Variants in C21orf91 observed in about 807,000 individuals in gnomAD.
C21orf91 encodes chromosome 21 open reading frame 91, also known as protein EURL homolog.
C21orf91 carries 26 observed loss-of-function variants against 32.9 expected under a neutral mutation model. That is an observed-to-expected ratio of 0.79 (90% CI 0.58 to 1.10). C21orf91 has a LOEUF of 1.10. C21orf91 is among the 50% of genes least tolerant of loss of function. The pLI is 0.00. For missense variants in C21orf91, 310 were observed against 341.3 expected, an observed-to-expected ratio of 0.91 and a Z score of 0.72; for synonymous variants, 126 against 120.4, an observed-to-expected ratio of 1.05 and a Z score of -0.31.
intron 2 of C21orf91, among the ~76,000 whole-genome samples, chr21:17,817,491 G>A (rs775686340): frequency 6.6e-6 from 1 of 151,826 alleles, no homozygotes; most frequent in African/African-American, 2.4e-5. Context: ...TTTTTTGCAG[G>A]AATATTAAGG....
At chr21:17,798,448 C>T (rs991120984) in intron 2 of C21orf91, among the ~76,000 whole-genome samples, 1 of 152,198 alleles carries the variant, frequency 6.6e-6, no homozygotes, top group African/African-American at 2.4e-5. Flanking sequence ...TATGTGAACA[C>T]ACCTCTAAAA....
chr21:17,803,316 T>G lies in C21orf91; in HGVS notation c.128-6198A>C, dbSNP rs148626792. Among the ~76,000 whole-genome samples the G allele has an allele frequency of 8.5e-5, 13 of 152,252 alleles. No individual in the cohort carries two copies. In the East Asian group the frequency reaches 2.5e-3, roughly 29 times the overall value. On this transcript the variant is annotated intron_variant, in intron 2 of 4. Coordinates refer to ENST00000284881, the MANE Select transcript of C21orf91 (RefSeq NM_001100420.2). ...CAGGTGGACTGCCTGACCCCAGGAATTTGAGAGTCGTCTGGGCAACATTGT... is the reference window on the plus strand; with the variant it reads ...CAGGTGGACTGCCTGACCCCAGGAAGTTGAGAGTCGTCTGGGCAACATTGT...
Position 17,797,038 on chromosome 21 carries a change from T to G in C21orf91, c.208A>C (p.Asn70His). The change falls in exon 3 of 5, where the codon AAC becomes CAC. Residue 70 changes from asparagine to histidine, a missense_variant. Transcript: ENST00000284881. The part of the protein sequence containing the change: ...DCFEKYHLIA[N>H]QGCPRSKLSK... ...AGCTTAGATCGAGGACAACCCTGGT[T>G]TGCAATTAAATGGTATTTTTCAAAG... 6.2e-7 allele frequency: 1 copy of G among 1,612,248 alleles called. No individual in the cohort carries two copies.
At chr21:17,807,775 AC>A (rs1366712612) in intron 2 of C21orf91, among the ~76,000 whole-genome samples, 1 of 152,170 alleles carries the variant, frequency 6.6e-6, no homozygotes, top group African/African-American at 2.4e-5. Flanking sequence ...GGATCTGTGG[AC>A]CTTTGAACTT....
chr21:17,790,594 T>C lies in C21orf91; in HGVS notation c.*2821A>G, dbSNP rs1033203847. 2 of 152,122 alleles carry C rather than the reference T, an allele frequency of 1.3e-5. No homozygotes were observed. Among genetic ancestry groups the C allele is most frequent in the African/African-American group, 2.4e-5 (1 of 41,446 alleles). 9.4% of individuals were successfully genotyped at this position (152,122 alleles called of 1,614,324 possible). A position where few individuals can be genotyped will look rare whatever the true frequency, so the allele number is the denominator to read the frequency against. ...TGTGTTTTGAAAAACTAAGAATGTGTCTTTGCTCCACCATTGTGCATAGTC... is the reference window on the plus strand; with the variant it reads ...TGTGTTTTGAAAAACTAAGAATGTGCCTTTGCTCCACCATTGTGCATAGTC... On this transcript the variant is annotated 3_prime_UTR_variant, in exon 5 of 5. Transcript: ENST00000284881.
chr21:17,817,038 T>C (rs1260723198), intron 2 of C21orf91, among the ~76,000 whole-genome samples: 1 of 152,206 alleles, frequency 6.6e-6, no homozygotes, highest in Non-Finnish European at 1.5e-5. Flanking sequence ...AAACTGGACT[T>C]GAACTCCTAG....
chr21:17,795,419 C>T (rs989392159), intron 3 of C21orf91, 149 bp from the exon 4 acceptor site: 8 of 627,332 alleles, frequency 1.3e-5, no homozygotes, highest in South Asian at 3.7e-5. Context: ...CATTAACGCT[C>T]GTAAGTGTGG....
intron 2 of C21orf91, among the ~76,000 whole-genome samples, chr21:17,810,251 A>G (rs1326219007): frequency 3.3e-5 from 5 of 152,218 alleles, no homozygotes; most frequent in Non-Finnish European, 5.9e-5. Context: ...TAACAGCAAA[A>G]TCACCTTCCA....
At chr21:17,797,270 G>T in intron 2 of C21orf91, 152 bp from the exon 3 acceptor site, 1 of 503,156 alleles carries the variant, frequency 2.0e-6, no homozygotes, top group South Asian at 4.0e-5. Flanking sequence ...TATACAATGT[G>T]GCCTAATAAT....
chr21:17,796,967 C>T lies in C21orf91; in HGVS notation c.279G>A (p.Lys93=), dbSNP rs779318693. The change falls in exon 3 of 5, where the codon AAG becomes AAA. Residue 93 remains lysine (K), a synonymous_variant. Transcript: ENST00000284881. The part of the protein sequence containing the change: ...YEEVKTILSK[K]INWIVQYAQN... ...GTGCATACTGCACAATCCAGTTTAT[C>T]TTCTTACTCAAAATGGTTTTAACTT... 8.1e-6 allele frequency: 13 copies of T among 1,613,642 alleles called. No individual in the cohort carries two copies. The Admixed American group carries it at 8.3e-5, about 10-fold the overall frequency.
At chr21:17,808,286 G>T (rs1045766074) in intron 2 of C21orf91, among the ~76,000 whole-genome samples, 5 of 152,262 alleles carry the variant, frequency 3.3e-5, no homozygotes, top group Admixed American at 6.5e-5. Context: ...CTTCCACGTG[G>T]TGTTAACCCT....
chr21:17,803,877 GT>G (rs1215409220), intron 2 of C21orf91, among the ~76,000 whole-genome samples: 1 of 152,198 alleles, frequency 6.6e-6, no homozygotes, highest in African/African-American at 2.4e-5. Context: ...CACACTACAG[GT>G]AAGTTTTGTT....
chr21:17,814,880 T>TA (rs769932807), intron 2 of C21orf91, among the ~76,000 whole-genome samples: 11 of 151,552 alleles, frequency 7.3e-5, no homozygotes, highest in Admixed American at 2.6e-4. Flanking sequence ...AAGCATAGGT[T>TA]AAAAAAAAAT....
At chr21:17,796,154 A>G (rs554746449) in intron 3 of C21orf91, among the ~76,000 whole-genome samples, 79 of 152,350 alleles carry the variant, frequency 5.2e-4, no homozygotes, top group African/African-American at 1.8e-3. Flanking sequence ...CTAACTTTAC[A>G]ATAAGTGCAC....
intron 2 of C21orf91, 120 bp downstream of exon 2, chr21:17,818,072 C>A: frequency 1.6e-6 from 1 of 628,716 alleles, no homozygotes; most frequent in South Asian, 2.7e-5. Context: ...CAAATCTCTA[C>A]ACTATTCATA....
In C21orf91 at chr21:17,789,313, C is replaced by T. The variant is rs1042291372; in HGVS notation, c.*4102G>A. The T allele has an allele frequency of 6.6e-6, 1 of 151,172 alleles. No individual in the cohort carries two copies. Among genetic ancestry groups the T allele is most frequent in the Admixed American group, 6.6e-5 (1 of 15,198 alleles). The allele number at this position is 151,172 out of a possible 1,614,324, so 9.4% of individuals were successfully genotyped here. On this transcript the variant is annotated 3_prime_UTR_variant, in exon 5 of 5. Coordinates refer to ENST00000284881, the MANE Select transcript of C21orf91 (RefSeq NM_001100420.2). ...AAATGGAACTGAACAAAAGTCACTA[C>T]TTAATACTTTCTAAATTGCCTCTTT...
At chr21:17,802,826 C>T (rs1235041236) in intron 2 of C21orf91, among the ~76,000 whole-genome samples, 2 of 152,140 alleles carry the variant, frequency 1.3e-5, no homozygotes, top group Admixed American at 6.5e-5. Context: ...CATCTGACTC[C>T]CTCACACTTT....
At position 17,792,787 on chromosome 21, in the gene C21orf91, A is replaced by G. The variant is rs1456858944; in HGVS notation, c.*628T>C. 1 of 152,620 alleles carries G rather than the reference A, an allele frequency of 6.6e-6. No homozygotes were observed. Among genetic ancestry groups the G allele is most frequent in the African/African-American group, 2.4e-5 (1 of 41,442 alleles). 9.5% of individuals were successfully genotyped at this position (152,620 alleles called of 1,614,324 possible). A position where few individuals can be genotyped will look rare whatever the true frequency, so the allele number is the denominator to read the frequency against. On this transcript the variant is annotated 3_prime_UTR_variant, in exon 5 of 5. Coordinates refer to ENST00000284881, the MANE Select transcript of C21orf91 (RefSeq NM_001100420.2). ...TTCTTCTTTTACAAGAGGTATTAGAAATTAAAACAACTCAGATTTCTAATC... is the reference window on the plus strand; with the variant it reads ...TTCTTCTTTTACAAGAGGTATTAGAGATTAAAACAACTCAGATTTCTAATC...
In C21orf91 at chr21:17,796,470, T is replaced by C. The variant is rs560641249; in HGVS notation, c.664+112A>G. On this transcript the variant is annotated intron_variant, in intron 3 of 4. Transcript: ENST00000284881. ...GCTAAGGTGAACCTGTTAAATACAA[T>C]GTTTCCCAAATCTATGATTCCACAG... is the stretch of plus-strand genomic sequence containing the variant. 11 of 808,960 alleles carry C rather than the reference T, an allele frequency of 1.4e-5. No homozygotes were observed. The African/African-American group carries it at 1.9e-4, about 14-fold the overall frequency. The allele number at this position is 808,960 out of a possible 1,614,324, so 50.1% of individuals were successfully genotyped here.
Sources: gnomAD v4.1 joint callset for allele counts (sites outside exome capture counted in the v4.1 genomes callset) on GRCh38, gnomAD v4.1.1 for gene constraint, MANE v1.5 for transcripts, NCBI Gene and HGNC (gene_info 2026-07-23, HGNC 2026-07-21) for gene names.